Variants in KCTD19 observed in about 807,000 individuals in gnomAD.
KCTD19 encodes the protein potassium channel tetramerization domain containing 19.
In KCTD19, 67 loss-of-function variants were observed where a neutral mutation model predicts 103.5. That is an observed-to-expected ratio of 0.65 (90% CI 0.53 to 0.79). The LOEUF is 0.79. Among genes scored for constraint, KCTD19 ranks in the 30% least tolerant of loss-of-function variants. The probability of loss-of-function intolerance (pLI) is 0.00; values close to 1 mark genes in which losing one functional copy is unlikely to be tolerated. For missense variants in KCTD19, 980 were observed against 1,136.1 expected (o/e 0.86, Z 1.98); for synonymous variants, 439 against 452.2 (o/e 0.97, Z 0.37).
In KCTD19 at chr16:67,299,465, A is replaced by C. The variant is rs550375387; in HGVS notation, c.884T>G (p.Val295Gly). 7 of 1,614,158 alleles carry C rather than the reference A, an allele frequency of 4.3e-6. No homozygotes were observed. The highest frequency in any genetic ancestry group is 8.5e-7 in the Non-Finnish European group (1 of 1,180,032). ...PLYTMALGLL[V>G]KYPDSALGQL... is the part of the protein sequence containing the mutation. ...GCCCAGCGCAGAGTCCGGGTACTTG[A>C]CCAGCAGACCCAGGGCCATTGTGTA... Residue 295 changes from valine (V) to glycine (G), a missense_variant, in exon 6 of 16, where the codon GTC becomes GGC. Coordinates refer to ENST00000304372, the MANE Select transcript of KCTD19 (RefSeq NM_001100915.3).
At chr16:67,314,826 T>TAGAGAGAGAGAGAGAG (rs1451000657) in intron 2 of KCTD19, among the ~76,000 whole-genome samples, 2 of 55,318 alleles carry the variant, frequency 3.6e-5, no homozygotes, top group African/African-American at 8.0e-5. Context: ...TATATATATA[T>TAGAGAGAGAGAGAGAG]ATATAGAGAG....
chr16:67,302,021 A>G, intron 4 of KCTD19, 99 bp from the exon 5 acceptor site: 1 of 1,100,272 alleles, frequency 9.1e-7, no homozygotes, highest in Non-Finnish European at 1.4e-6. Flanking sequence ...AACTTATCCT[A>G]GGTTCTCCTT....
In KCTD19 at chr16:67,314,799, TTATATATATATATATA is replaced by T. The variant is rs138495581; in HGVS notation, c.300+5774_300+5789del. The stretch of plus-strand genomic sequence containing the variant: ...ACATGATGGTTTTTTTCACTTAGCA[TTATATATATATATATA>T]TATATATATATATATAGAGAGAGAG... On this transcript the variant is annotated intron_variant, in intron 2 of 15. Transcript: ENST00000304372. 3.1e-3 allele frequency among the ~76,000 whole-genome samples: 143 copies of T among 45,904 alleles called. 3 individuals carry two copies. In the East Asian group the frequency reaches 0.051, roughly 16 times the overall value. 30.1% of individuals were successfully genotyped at this position (45,904 alleles called of 152,430 possible). A position where few individuals can be genotyped will look rare whatever the true frequency, so the allele number is the denominator to read the frequency against.
chr16:67,299,336 C>T, intron 6 of KCTD19, 27 bp downstream of exon 6: 1 of 1,605,484 alleles, frequency 6.2e-7, no homozygotes, highest in Middle Eastern at 1.7e-4. Context: ...GGTGATGGGA[C>T]TCAGTGTGCC....
chr16:67,325,488 T>C (rs2142531213), intron 1 of KCTD19, among the ~76,000 whole-genome samples: 1 of 152,000 alleles, frequency 6.6e-6, no homozygotes, highest in East Asian at 1.9e-4. Context: ...GTGATCCACA[T>C]GCTTCGGCCT....
chr16:67,290,874 G>T lies in KCTD19; in HGVS notation c.2667+11C>A. 6.2e-7 allele frequency: 1 copy of T among 1,605,680 alleles called. No homozygotes were observed. Reference sequence around the variant, plus strand: ...GTCGGTGGATTCCCAGGGATTGCAAGTGGCCCTCACCTCCACCCAGCTGTA... The same window carrying T: ...GTCGGTGGATTCCCAGGGATTGCAATTGGCCCTCACCTCCACCCAGCTGTA... On this transcript the variant is annotated intron_variant, in intron 15 of 15. Transcript: ENST00000304372.
intron 8 of KCTD19, 178 bp downstream of exon 8, chr16:67,295,981 G>A (rs1317834314): frequency 3.5e-6 from 2 of 577,120 alleles, no homozygotes; most frequent in South Asian, 1.9e-5. Flanking sequence ...CTGATCTCGT[G>A]ATCTGCCCAC....
Position 67,291,660 on chromosome 16 carries a change from C to G in KCTD19, c.2396G>C (p.Ser799Thr), listed in dbSNP as rs1002578652. 2 of 1,613,514 alleles carry G rather than the reference C, an allele frequency of 1.2e-6. No homozygotes were observed. The highest frequency in any genetic ancestry group is 1.7e-4 in the Middle Eastern group (1 of 6,060). Reference sequence around the variant, plus strand: ...CAGAGCCTCACCTTGGGGCTGGGGACTGGCTGTGGGTGTTGTGTGCCTGAG... The same window carrying G: ...CAGAGCCTCACCTTGGGGCTGGGGAGTGGCTGTGGGTGTTGTGTGCCTGAG... ...DNLRHTTPTA[S>T]PQPQEVTFLS... The change falls in exon 13 of 16, where the codon AGT becomes ACT. Residue 799 changes from serine (S) to threonine (T), a missense_variant. Physicochemically the swap from Ser to Thr is moderately conservative, Grantham distance 58. Transcript: ENST00000304372.
intron 10 of KCTD19, 116 bp from the exon 11 acceptor site, chr16:67,294,810 C>T: frequency 1.1e-6 from 1 of 949,030 alleles, no homozygotes; most frequent in Non-Finnish European, 1.7e-6. Context: ...GAAGAAGGGG[C>T]TCTTAAAGGG....
At chr16:67,316,077 T>C (rs886439429) in intron 2 of KCTD19, among the ~76,000 whole-genome samples, 1 of 152,256 alleles carries the variant, frequency 6.6e-6, no homozygotes, top group African/African-American at 2.4e-5. Flanking sequence ...GGTCTAGCTC[T>C]GTCACCCTGG....
chr16:67,296,279 A>G lies in KCTD19; in HGVS notation c.1148-20T>C. 1 of 1,473,562 alleles carries G rather than the reference A, an allele frequency of 6.8e-7. No homozygotes were observed. Among genetic ancestry groups the G allele is most frequent in the Non-Finnish European group, 9.5e-7 (1 of 1,051,576 alleles). The allele number at this position is 1,473,562 out of a possible 1,614,324, so 91.3% of individuals were successfully genotyped here. On this transcript the variant is annotated intron_variant, in intron 7 of 15. Coordinates refer to ENST00000304372, the MANE Select transcript of KCTD19 (RefSeq NM_001100915.3). ...ACTCATCTATGGGAATCCAGGAGAT[A>G]GAACACATCATCATATGGCCAGAAG...
chr16:67,309,128 C>CA (rs60872060), intron 2 of KCTD19, among the ~76,000 whole-genome samples: 8,777 of 75,212 alleles, frequency 0.12, 420 homozygotes, highest in East Asian at 0.19. Context: ...GACTTCAGCT[C>CA]AAAAAAAAAA....
At chr16:67,304,324 G>A in intron 3 of KCTD19, 97 bp downstream of exon 3, 2 of 1,192,510 alleles carry the variant, frequency 1.7e-6, no homozygotes, top group South Asian at 1.3e-5. Context: ...TCAGAAATCA[G>A]GCACTCTCTG....
In KCTD19 at chr16:67,289,601, A is replaced by T; in HGVS notation, c.2749T>A (p.Ser917Thr). The T allele has an allele frequency of 1.2e-6, 2 of 1,613,804 alleles. No homozygotes were observed. The highest frequency in any genetic ancestry group is 1.7e-6 in the Non-Finnish European group (2 of 1,179,730). The part of the protein sequence containing the change: ...QRGLSRSVSY[S>T]ILGKYLQED Reference sequence around the variant, plus strand: ...TCTTGTAGGTACTTTCCCAGGATGGAGTAAGAGACAGACCTAGACAGGCCC... The same window carrying T: ...TCTTGTAGGTACTTTCCCAGGATGGTGTAAGAGACAGACCTAGACAGGCCC... The change falls in exon 16 of 16, where the codon TCC becomes ACC. Residue 917 changes from serine (S) to threonine (T), a missense_variant. Transcript: ENST00000304372.
chr16:67,309,120 CTT>C (rs2036924010), intron 2 of KCTD19, among the ~76,000 whole-genome samples: 1 of 130,124 alleles, frequency 7.7e-6, no homozygotes, highest in African/African-American at 3.0e-5. Flanking sequence ...CAGAGCGAGA[CTT>C]CAGCTCAAAA....
In KCTD19 at chr16:67,295,245, C is replaced by T. The variant is rs200887939; in HGVS notation, c.1391+18G>A. 32 of 1,612,570 alleles carry T rather than the reference C, an allele frequency of 2.0e-5. No individual in the cohort carries two copies. In the Admixed American group the frequency reaches 3.3e-4, roughly 17 times the overall value. On this transcript the variant is annotated intron_variant, in intron 9 of 15. Coordinates refer to ENST00000304372, the MANE Select transcript of KCTD19 (RefSeq NM_001100915.3). ...CAGCCTTCGTGATTTCATCTTACTG[C>T]GTCCTTGCTTCACTTACTTAAATTC... is the stretch of plus-strand genomic sequence containing the variant.
chr16:67,291,027 C>A, intron 14 of KCTD19, 41 bp from the exon 15 acceptor site: 1 of 1,597,946 alleles, frequency 6.3e-7, no homozygotes, highest in Non-Finnish European at 8.6e-7. Context: ...TAGGGCAGCT[C>A]CTAGCCCCTC....
intron 2 of KCTD19, among the ~76,000 whole-genome samples, chr16:67,311,834 C>G (rs934574303): frequency 6.6e-6 from 1 of 152,016 alleles, no homozygotes; most frequent in Non-Finnish European, 1.5e-5. Context: ...CCTGATGCCA[C>G]GTCAAGGGGT....
At chr16:67,326,463 C>T (rs941756896) in intron 1 of KCTD19, among the ~76,000 whole-genome samples, 2 of 152,328 alleles carry the variant, frequency 1.3e-5, no homozygotes, top group African/African-American at 4.8e-5. Context: ...AAGGGGCACA[C>T]GCCCAGCCCT....
Sources: allele counts gnomAD v4.1 joint callset (sites outside exome capture counted in the v4.1 genomes callset), GRCh38; gene constraint gnomAD v4.1.1; transcripts MANE v1.5; gene names NCBI Gene and HGNC (gene_info 2026-07-23, HGNC 2026-07-21).